The following DNAH14 variants were observed in gnomAD, a reference collection of about 807,000 sequenced individuals.
DNAH14 encodes axonemal beta dynein heavy chain 14.
A neutral mutation model predicts 520.9 loss-of-function variants in DNAH14; 478 were observed. The ratio of observed to expected loss-of-function variants is 0.92; its 90% CI spans 0.85 to 0.99. The LOEUF is 0.99. DNAH14 is among the 50% of genes least tolerant of loss of function. The probability of loss-of-function intolerance (pLI) is 0.00; values close to 1 mark genes in which losing one functional copy is unlikely to be tolerated. For synonymous variants in DNAH14, 1,581 were observed against 1,757.2 expected (o/e 0.90, Z 2.51); for missense variants, 4,831 against 5,234.5 (o/e 0.92, Z 2.38).
At chr1:225,242,797 A>T (rs2092044345) in intron 43 of DNAH14, among the ~76,000 whole-genome samples, 1 of 152,246 alleles carries the variant, frequency 6.6e-6, no homozygotes, top group Non-Finnish European at 1.5e-5. Flanking sequence ...GTTTGTTTAC[A>T]CCAGCATCAC....
At chr1:225,210,155 G>A (rs928442702) in intron 41 of DNAH14, among the ~76,000 whole-genome samples, 3 of 151,950 alleles carry the variant, frequency 2.0e-5, no homozygotes, top group East Asian at 1.9e-4. Context: ...ATGCCAGTAA[G>A]ACAGAATCAT....
Position 225,324,234 on chromosome 1 carries a change from C to A in DNAH14, c.9508C>A (p.Leu3170Ile), listed in dbSNP as rs1175397269. 1 of 1,551,580 alleles carries A rather than the reference C, an allele frequency of 6.4e-7. No homozygotes were observed. The highest frequency in any genetic ancestry group is 8.7e-7 in the Non-Finnish European group (1 of 1,146,964). ...DSIPDKVFVK[L>I]KKIVTLPDFN... is the part of the protein sequence containing the mutation. ...GTGTTCTCTCTAGGTTTTCGTGAAG[C>A]TAAAAAAAATTGTAACCTTACCTGA... The change falls in exon 63 of 86, where the codon CTA becomes ATA. Residue 3170 changes from leucine (L) to isoleucine (I), a missense_variant. Transcript: ENST00000682510.
chr1:224,930,103 T>G (rs2058585311), intron 1 of DNAH14, among the ~76,000 whole-genome samples: 1 of 152,226 alleles, frequency 6.6e-6, no homozygotes. Context: ...TTGCTCTCCC[T>G]CAGGCAGGCC....
intron 69 of DNAH14, among the ~76,000 whole-genome samples, chr1:225,345,713 TCCA>T (rs2095275842): frequency 6.6e-6 from 1 of 152,034 alleles, no homozygotes; most frequent in Non-Finnish European, 1.5e-5. Flanking sequence ...AAAAATAGGA[TCCA>T]CCAATACTAA....
chr1:225,264,946 G>C (rs1476331427), intron 47 of DNAH14, among the ~76,000 whole-genome samples: 1 of 152,156 alleles, frequency 6.6e-6, no homozygotes. Flanking sequence ...TGTCTGTCGT[G>C]CATAAATGTA....
intron 36 of DNAH14, among the ~76,000 whole-genome samples, chr1:225,171,326 C>T (rs961640066): frequency 6.6e-6 from 1 of 151,978 alleles, no homozygotes; most frequent in African/African-American, 2.4e-5. Flanking sequence ...TCAGTGAATC[C>T]AGGAGCTGGT....
At chr1:225,288,992 C>T (rs2093807605) in intron 54 of DNAH14, among the ~76,000 whole-genome samples, 1 of 152,080 alleles carries the variant, frequency 6.6e-6, no homozygotes, top group Non-Finnish European at 1.5e-5. Flanking sequence ...AACAAGTATC[C>T]ACTCAAAGAC....
chr1:224,947,250 C>T (rs1010282777), intron 1 of DNAH14, among the ~76,000 whole-genome samples: 2 of 152,062 alleles, frequency 1.3e-5, no homozygotes, highest in African/African-American at 4.8e-5. Context: ...CTGTGATTTC[C>T]ATAATGTTAT....
At chr1:225,046,252 CA>C (rs2067952860) in intron 15 of DNAH14, among the ~76,000 whole-genome samples, 1 of 151,896 alleles carries the variant, frequency 6.6e-6, no homozygotes, top group African/African-American at 2.4e-5. Flanking sequence ...CATATTCATA[CA>C]TTAGTCAAAT....
intron 84 of DNAH14, among the ~76,000 whole-genome samples, chr1:225,392,899 G>GA (rs2095939613): frequency 6.6e-6 from 1 of 152,156 alleles, no homozygotes; most frequent in African/African-American, 2.4e-5. Flanking sequence ...CAGTGAGGGG[G>GA]ACCCATGGAG....
intron 54 of DNAH14, among the ~76,000 whole-genome samples, chr1:225,286,575 GCAATTACTGA>G (rs1185026005): frequency 2.6e-5 from 4 of 152,098 alleles, no homozygotes; most frequent in African/African-American, 9.7e-5. Flanking sequence ...ACTGATAATA[GCAATTACTGA>G]CAAGGATACA....
chr1:225,188,522 T>G (rs2085021753), intron 37 of DNAH14, among the ~76,000 whole-genome samples: 1 of 151,976 alleles, frequency 6.6e-6, no homozygotes, highest in African/African-American at 2.4e-5. Flanking sequence ...TATAAAGGGT[T>G]CTGTAATATC....
Position 225,204,206 on chromosome 1 carries a change from T to A in DNAH14, c.5910T>A (p.Asp1970Glu). 1 of 1,477,790 alleles carries A rather than the reference T, an allele frequency of 6.8e-7. No homozygotes were observed. Among genetic ancestry groups the A allele is most frequent in the Non-Finnish European group, 8.9e-7 (1 of 1,122,166 alleles). The allele number at this position is 1,477,790 out of a possible 1,614,324, so 91.5% of individuals were successfully genotyped here. Residue 1970 changes from aspartate (D) to glutamate (E), a missense_variant, in exon 39 of 86, where the codon GAT becomes GAA. Coordinates refer to ENST00000682510, the MANE Select transcript of DNAH14 (RefSeq NM_001367479.1). Reference sequence around the variant, plus strand: ...AGGTTTTCAAACTTGATTCCTCTGATACAACAGAGACTGATGATAATATTT... The same window carrying A: ...AGGTTTTCAAACTTGATTCCTCTGAAACAACAGAGACTGATGATAATATTT... ...LSNVFKLDSS[D>E]TTETDDNIFE... is the part of the protein sequence containing the mutation.
At chr1:225,367,206 G>T (rs924748060) in intron 76 of DNAH14, among the ~76,000 whole-genome samples, 2 of 152,018 alleles carry the variant, frequency 1.3e-5, no homozygotes, top group African/African-American at 4.8e-5. Context: ...TCTCAAAAAA[G>T]CCCTCCAGTT....
At chr1:225,156,454 C>T (rs182867778) in intron 34 of DNAH14, among the ~76,000 whole-genome samples, 13 of 152,222 alleles carry the variant, frequency 8.5e-5, no homozygotes, top group African/African-American at 2.2e-4. Context: ...TCCTGGCTTA[C>T]GACCACAGCA....
chr1:225,216,096 G>A (rs1364377912), intron 41 of DNAH14, among the ~76,000 whole-genome samples: 1 of 152,178 alleles, frequency 6.6e-6, no homozygotes, highest in Non-Finnish European at 1.5e-5. Flanking sequence ...GCCTGACGGT[G>A]ACAAAATGTC....
In DNAH14 at chr1:225,141,717, C is replaced by T. The variant is rs147998787; in HGVS notation, c.4508+696C>T. ...AGCTCTACCTCCAGCCTCTTCTTTCCGCTGTGCTGTTAATTCTGGAACAGA... is the reference window on the plus strand; with the variant it reads ...AGCTCTACCTCCAGCCTCTTCTTTCTGCTGTGCTGTTAATTCTGGAACAGA... On this transcript the variant is annotated intron_variant, in intron 28 of 85. Transcript: ENST00000682510. 1.4e-3 allele frequency among the ~76,000 whole-genome samples: 207 copies of T among 152,246 alleles called. 1 individual carries two copies. The highest frequency in any genetic ancestry group is 0.01 in the Middle Eastern group (3 of 294).
At chr1:225,101,491 C>G (rs948750206) in intron 23 of DNAH14, among the ~76,000 whole-genome samples, 7 of 152,210 alleles carry the variant, frequency 4.6e-5, no homozygotes, top group African/African-American at 1.4e-4. Flanking sequence ...CACTTTTTCT[C>G]TCTCCCCCAT....
At chr1:225,026,265 T>C (rs2066114900) in intron 11 of DNAH14, among the ~76,000 whole-genome samples, 2 of 151,716 alleles carry the variant, frequency 1.3e-5, no homozygotes, top group Admixed American at 1.3e-4. Flanking sequence ...AATTTTTAAT[T>C]TTATTTTTAT....
Sources: gnomAD v4.1 joint callset for allele counts (sites outside exome capture counted in the v4.1 genomes callset) on GRCh38, gnomAD v4.1.1 for gene constraint, MANE v1.5 for transcripts, NCBI Gene and HGNC (gene_info 2026-07-23, HGNC 2026-07-21) for gene names.